Variants in CDH13 observed in about 807,000 individuals in gnomAD.
CDH13 encodes the protein cadherin 13.
CDH13 carries 24 observed loss-of-function variants against 63.8 expected under a neutral mutation model. That is an observed-to-expected ratio of 0.38 (90% CI 0.27 to 0.53). The LOEUF is 0.53. Ranked by LOEUF, CDH13 falls within the 20% of genes least tolerant of loss-of-function variation. The pLI is 0.85. For synonymous variants in CDH13, 503 were observed against 355.3 expected, an observed-to-expected ratio of 1.42 and a Z score of -4.67; for missense variants, 1,049 against 903.1, an observed-to-expected ratio of 1.16 and a Z score of -2.07.
chr16:83,417,437 CT>C (rs2071583344), intron 6 of CDH13, among the ~76,000 whole-genome samples: 1 of 152,138 alleles, frequency 6.6e-6, no homozygotes, highest in African/African-American at 2.4e-5. Flanking sequence ...TTGAACTGTC[CT>C]CTTTATCTTA....
intron 3 of CDH13, among the ~76,000 whole-genome samples, chr16:83,119,701 C>T (rs1458197435): frequency 6.6e-6 from 1 of 152,174 alleles, no homozygotes; most frequent in Admixed American, 6.5e-5. Context: ...TGCAAGTACA[C>T]CACACGCACA....
intron 2 of CDH13, among the ~76,000 whole-genome samples, chr16:82,880,047 A>G (rs983048733): frequency 6.7e-6 from 1 of 149,218 alleles, no homozygotes; most frequent in East Asian, 1.9e-4. Context: ...ATGGATTAAT[A>G]GATTATATAT....
intron 7 of CDH13, among the ~76,000 whole-genome samples, chr16:83,535,517 T>C (rs538994488): frequency 6.6e-6 from 1 of 152,258 alleles, no homozygotes; most frequent in African/African-American, 2.4e-5. Flanking sequence ...AAGAGGACAG[T>C]CACAGGCATC....
At chr16:82,761,079 A>AGTG (rs2034833768) in intron 1 of CDH13, among the ~76,000 whole-genome samples, 1 of 119,096 alleles carries the variant, frequency 8.4e-6, no homozygotes. Flanking sequence ...ACTGGAGTGC[A>AGTG]GTGGCATGAT....
chr16:82,668,453 AG>A (rs1209545924), intron 1 of CDH13, among the ~76,000 whole-genome samples: 1 of 152,204 alleles, frequency 6.6e-6, no homozygotes, highest in Non-Finnish European at 1.5e-5. Flanking sequence ...GAACTGGTAA[AG>A]GGGGGACAGT....
chr16:83,054,321 G>A (rs954148933), intron 3 of CDH13, among the ~76,000 whole-genome samples: 2 of 152,218 alleles, frequency 1.3e-5, no homozygotes, highest in African/African-American at 2.4e-5. Flanking sequence ...AAACAATAAC[G>A]AATAGTAAAA....
In CDH13 at chr16:82,659,187, C is replaced by T. The variant is rs115490977; in HGVS notation, c.45+32050C>T. Among the ~76,000 whole-genome samples the T allele has an allele frequency of 2.3e-3, 355 of 152,324 alleles. 3 individuals carry two copies. The highest frequency in any genetic ancestry group is 8.0e-3 in the African/African-American group (331 of 41,564). On this transcript the variant is annotated intron_variant, in intron 1 of 13. Transcript: ENST00000567109. ...AAGATTTAGCACCTGAGTTAGAATC[C>T]GGATGGCAGAACTTCTCTATTGGAA... is the stretch of plus-strand genomic sequence containing the variant.
chr16:82,985,403 TAA>T (rs1910809613), intron 2 of CDH13, among the ~76,000 whole-genome samples: 1 of 152,160 alleles, frequency 6.6e-6, no homozygotes, highest in Non-Finnish European at 1.5e-5. Flanking sequence ...TGGAGGAAAA[TAA>T]AGTACCATCG....
chr16:83,549,292 A>G (rs2075447408), intron 7 of CDH13, among the ~76,000 whole-genome samples: 1 of 152,126 alleles, frequency 6.6e-6, no homozygotes, highest in South Asian at 2.1e-4. Flanking sequence ...TCTGTGCTTC[A>G]CCCCACCTCT....
chr16:82,644,355 G>GC lies in CDH13; in HGVS notation c.45+17219dup, dbSNP rs1312371336. On this transcript the variant is annotated intron_variant, in intron 1 of 13. Transcript: ENST00000567109. This position sits in a 1 kb window ranked among gnomAD's most constrained non-coding sequence, Gnocchi z 5.7. ...CCCTGCCTTCTGCGTCTCCCTCTGTGCTCTCCATCACCCCCCTACGGAGTT... is the reference window on the plus strand; with the variant it reads ...CCCTGCCTTCTGCGTCTCCCTCTGTGCCTCTCCATCACCCCCCTACGGAGTT... 6.6e-6 allele frequency among the ~76,000 whole-genome samples: 1 copy of GC among 151,946 alleles called. No homozygotes were observed. Among genetic ancestry groups the GC allele is most frequent in the East Asian group, 1.9e-4 (1 of 5,166 alleles).
rs143614948 is a variant in CDH13, at chr16:83,432,445, C to T, written c.782-54032C>T. The stretch of plus-strand genomic sequence containing the variant: ...TTCAAGTGGAATGTCTAGCAAGTGG[C>T]AGAGTGGGGACCTATGCCTACTTCC... On this transcript the variant is annotated intron_variant, in intron 6 of 13. Coordinates refer to ENST00000567109, the MANE Select transcript of CDH13 (RefSeq NM_001257.5). Among the ~76,000 whole-genome samples, 33 of 152,284 alleles carry T rather than the reference C, an allele frequency of 2.2e-4. No individual in the cohort carries two copies. The South Asian group carries it at 6.2e-3, about 29-fold the overall frequency.
chr16:83,767,372 G>C (rs1914465192), intron 11 of CDH13, among the ~76,000 whole-genome samples: 6 of 152,132 alleles, frequency 3.9e-5, no homozygotes, highest in South Asian at 4.1e-4. Context: ...CAAGAGATCT[G>C]ATAGTTATAT....
intron 1 of CDH13, among the ~76,000 whole-genome samples, chr16:82,750,522 G>C (rs1444842417): frequency 6.6e-6 from 1 of 152,178 alleles, no homozygotes; most frequent in African/African-American, 2.4e-5. Context: ...GTTAGTACCA[G>C]ACTAATGATC....
chr16:82,688,732 T>C (rs1471645682), intron 1 of CDH13, among the ~76,000 whole-genome samples: 3 of 152,178 alleles, frequency 2.0e-5, no homozygotes, highest in Non-Finnish European at 4.4e-5. Flanking sequence ...AAATATATTT[T>C]CAATATTAAG....
chr16:83,679,426 G>C (rs1598464298), intron 10 of CDH13, among the ~76,000 whole-genome samples: 1 of 152,182 alleles, frequency 6.6e-6, no homozygotes, highest in African/African-American at 2.4e-5. Context: ...TTCCTGATTT[G>C]AAACACCTGA....
At chr16:83,240,601 A>T (rs1176006294) in intron 5 of CDH13, among the ~76,000 whole-genome samples, 1 of 150,372 alleles carries the variant, frequency 6.7e-6, no homozygotes, top group Non-Finnish European at 1.5e-5. Flanking sequence ...GATTAGGTGC[A>T]GTATGTGATG....
At chr16:83,061,013 G>A (rs1401688274) in intron 3 of CDH13, among the ~76,000 whole-genome samples, 2 of 152,196 alleles carry the variant, frequency 1.3e-5, no homozygotes, top group African/African-American at 4.8e-5. Context: ...CACATAGTGG[G>A]TGCTTAATAC....
intron 7 of CDH13, among the ~76,000 whole-genome samples, chr16:83,568,143 G>A (rs186553139): frequency 6.6e-6 from 1 of 151,932 alleles, no homozygotes; most frequent in East Asian, 1.9e-4. Flanking sequence ...TCATTGGTCT[G>A]AATACATGTG....
chr16:83,487,427 C>G (rs918587884), intron 7 of CDH13, among the ~76,000 whole-genome samples: 1 of 152,204 alleles, frequency 6.6e-6, no homozygotes, highest in African/African-American at 2.4e-5. Context: ...TCCAGTGGAT[C>G]CAGGGTCTGC....
Sources: allele counts gnomAD v4.1 joint callset (sites outside exome capture counted in the v4.1 genomes callset), GRCh38; gene constraint gnomAD v4.1.1; non-coding constraint Gnocchi (gnomAD v3.1); transcripts MANE v1.5; gene names NCBI Gene and HGNC (gene_info 2026-07-23, HGNC 2026-07-21).